Variants in FRMD4A observed in about 807,000 individuals in gnomAD.
The protein encoded by FRMD4A is FERM domain-containing protein 4A.
FRMD4A carries 29 observed loss-of-function variants against 129.1 expected under a neutral mutation model. The observed-to-expected ratio is 0.22, with a 90% CI of 0.17 to 0.31. The LOEUF is 0.31. Ranked by LOEUF, FRMD4A falls within the 10% of genes least tolerant of loss-of-function variation. The probability of loss-of-function intolerance (pLI) is 1.00; values close to 1 mark genes in which losing one functional copy is unlikely to be tolerated. For missense variants in FRMD4A, 1,272 were observed against 1,375.8 expected, an observed-to-expected ratio of 0.92 and a Z score of 1.19; for synonymous variants, 634 against 571.6, an observed-to-expected ratio of 1.11 and a Z score of -1.56.
At chr10:13,993,227 C>T (rs1028852221) in intron 2 of FRMD4A, among the ~76,000 whole-genome samples, 4 of 152,146 alleles carry the variant, frequency 2.6e-5, no homozygotes, top group African/African-American at 9.7e-5. Context: ...GACTTGCCTC[C>T]TCCCCCAGCA....
chr10:13,820,733 G>T (rs1588895597), intron 3 of FRMD4A, among the ~76,000 whole-genome samples: 1 of 152,272 alleles, frequency 6.6e-6, no homozygotes, highest in Admixed American at 6.5e-5. Flanking sequence ...CCAGGGTTTG[G>T]ACACGCATGG....
Position 13,717,555 on chromosome 10 carries a change from C to A in FRMD4A, c.760-10442G>T, listed in dbSNP as rs568201869. ...TCTCGAACTCCTGACTTCAAGTGAT[C>A]TGCCTGCCTCAGCTTCCTAAAGTGC... On this transcript the variant is annotated intron_variant, in intron 12 of 24. Transcript: ENST00000357447. Among the ~76,000 whole-genome samples the A allele has an allele frequency of 6.6e-5, 10 of 151,060 alleles. 2 individuals carry two copies. The highest frequency in any genetic ancestry group is 2.4e-4 in the African/African-American group (10 of 41,122).
intron 3 of FRMD4A, among the ~76,000 whole-genome samples, chr10:13,823,744 A>G (rs1158571007): frequency 6.6e-6 from 1 of 152,216 alleles, no homozygotes; most frequent in African/African-American, 2.4e-5. Flanking sequence ...ACACATTGGC[A>G]GATTGGTACC....
Position 13,670,514 on chromosome 10 carries a change from C to G in FRMD4A, c.1266G>C (p.Lys422Asn). Residue 422 changes from lysine (K) to asparagine (N), a missense_variant, in exon 17 of 25, where the codon AAG (lysine) becomes AAC (asparagine). Around this residue, in one of 2 missense-constraint regions of FRMD4A, gnomAD observed 972 missense variants for 892.3 expected, o/e 1.09. Coordinates refer to ENST00000357447, the MANE Select transcript of FRMD4A (RefSeq NM_018027.5). ...LCLREAELTG[K>N]LPVEYPLDPG... ...GATCCAGGGGATATTCTACTGGCAG[C>G]TTGCCCGTGAGCTCCTGCATATGTG... The G allele has an allele frequency of 2.5e-6, 4 of 1,613,126 alleles. No individual in the cohort carries two copies. The highest frequency in any genetic ancestry group is 3.4e-6 in the Non-Finnish European group (4 of 1,179,374).
rs1261522122 is a variant in FRMD4A, at chr10:13,657,075, C to T, written c.2514G>A (p.Pro838=). 1.9e-6 allele frequency: 3 copies of T among 1,577,210 alleles called. No homozygotes were observed. The highest frequency in any genetic ancestry group is 2.3e-5 in the East Asian group (1 of 42,732). Residue 838 remains proline, a synonymous_variant, in exon 22 of 25, where the codon CCG becomes CCA. Transcript: ENST00000357447. ...GCGTGGCGCCGCCCTCGATGTACAG[C>T]GGGTACTCCTTGATGCGGTACTGCG... The part of the protein sequence containing the change: ...PSSQYRIKEY[P]LYIEGGATPV...
intron 2 of FRMD4A, among the ~76,000 whole-genome samples, chr10:13,980,873 G>A (rs1393651237): frequency 1.3e-5 from 2 of 152,130 alleles, no homozygotes; most frequent in Non-Finnish European, 2.9e-5. Context: ...TGAATGATCT[G>A]TCTTGAGTTG....
Position 13,821,471 on chromosome 10 carries a change from T to C in FRMD4A, c.112-10563A>G, listed in dbSNP as rs772832580. Among the ~76,000 whole-genome samples, 3 of 152,102 alleles carry C rather than the reference T, an allele frequency of 2.0e-5. No individual in the cohort carries two copies. Among genetic ancestry groups the C allele is most frequent in the Non-Finnish European group, 4.4e-5 (3 of 68,008 alleles). The stretch of plus-strand genomic sequence containing the variant: ...CCCAGCCTGAACCGGGATCCATTCG[T>C]GCACATGAGACAAATCCTTTACCTC... On this transcript the variant is annotated intron_variant, in intron 3 of 24. Coordinates refer to ENST00000357447, the MANE Select transcript of FRMD4A (RefSeq NM_018027.5). The surrounding 1 kb of genome is among the most constrained non-coding windows in gnomAD (Gnocchi z 4.3).
intron 4 of FRMD4A, among the ~76,000 whole-genome samples, chr10:13,804,570 A>G (rs2093326336): frequency 7.5e-6 from 1 of 132,526 alleles, no homozygotes; most frequent in Admixed American, 7.4e-5. Context: ...GTTGAGACGG[A>G]GTCTCGCTCT....
At chr10:13,676,960 G>A (rs2084059563) in intron 15 of FRMD4A, among the ~76,000 whole-genome samples, 1 of 152,172 alleles carries the variant, frequency 6.6e-6, no homozygotes, top group South Asian at 2.1e-4. Flanking sequence ...AATCCAGTCA[G>A]AATTCCCAGA....
At chr10:14,092,447 T>C (rs1314636989) in intron 2 of FRMD4A, among the ~76,000 whole-genome samples, 1 of 152,244 alleles carries the variant, frequency 6.6e-6, no homozygotes, top group Non-Finnish European at 1.5e-5. Context: ...GGGAATGGAC[T>C]CTGTTGCTGG....
chr10:13,806,219 G>C (rs2093355070), intron 4 of FRMD4A, among the ~76,000 whole-genome samples: 1 of 151,796 alleles, frequency 6.6e-6, no homozygotes, highest in Non-Finnish European at 1.5e-5. Context: ...ACTCCTCCTG[G>C]CTTCAAGGGA....
chr10:14,132,997 C>G (rs1839341643), intron 2 of FRMD4A, among the ~76,000 whole-genome samples: 1 of 152,154 alleles, frequency 6.6e-6, no homozygotes, highest in Non-Finnish European at 1.5e-5. Context: ...CTATTTTATC[C>G]TCATGCCATC....
At chr10:14,204,858 G>C (rs566699592) in intron 2 of FRMD4A, among the ~76,000 whole-genome samples, 1 of 152,108 alleles carries the variant, frequency 6.6e-6, no homozygotes, top group East Asian at 1.9e-4. Context: ...GCAAAATCAA[G>C]CCTATTGAAC....
At chr10:13,775,357 G>A (rs2092570439) in intron 6 of FRMD4A, among the ~76,000 whole-genome samples, 1 of 152,204 alleles carries the variant, frequency 6.6e-6, no homozygotes, top group Non-Finnish European at 1.5e-5. Flanking sequence ...GGAGCCCAAG[G>A]GGGTGTCACA....
chr10:13,958,600 C>CAT (rs373629132), intron 2 of FRMD4A, among the ~76,000 whole-genome samples: 1 of 134,230 alleles, frequency 7.4e-6, no homozygotes, highest in Non-Finnish European at 1.6e-5. Flanking sequence ...TTCTTTCTTT[C>CAT]TTTTTTTTTT....
At chr10:13,731,403 C>T (rs1429885598) in intron 12 of FRMD4A, among the ~76,000 whole-genome samples, 2 of 152,176 alleles carry the variant, frequency 1.3e-5, no homozygotes, top group African/African-American at 2.4e-5. Flanking sequence ...AATCCCAGCA[C>T]TTTGGGAGGC....
intron 2 of FRMD4A, among the ~76,000 whole-genome samples, chr10:14,179,678 C>T (rs1346614046): frequency 1.3e-5 from 2 of 152,168 alleles, no homozygotes; most frequent in Non-Finnish European, 2.9e-5. Context: ...TCTTGCGATA[C>T]AAAAATTATA....
intron 2 of FRMD4A, among the ~76,000 whole-genome samples, chr10:14,274,210 C>A (rs1845261400): frequency 6.6e-6 from 1 of 152,196 alleles, no homozygotes; most frequent in South Asian, 2.1e-4. Flanking sequence ...TCATCTCAGG[C>A]CTGGGGCAGC....
intron 2 of FRMD4A, among the ~76,000 whole-genome samples, chr10:13,928,480 T>TG (rs1401721975): frequency 2.0e-5 from 3 of 152,168 alleles, no homozygotes; most frequent in Non-Finnish European, 4.4e-5. Flanking sequence ...ATTTATATCC[T>TG]GGCAAATGAT....
Sources: gnomAD v4.1 joint callset for allele counts (sites outside exome capture counted in the v4.1 genomes callset) on GRCh38, gnomAD v4.1.1 for gene constraint, gnomAD v4.1.1 regional missense constraint, Gnocchi (gnomAD v3.1) non-coding constraint, MANE v1.5 for transcripts, NCBI Gene and HGNC (gene_info 2026-07-23, HGNC 2026-07-21) for gene names.